Variants in TMEM245 observed in about 807,000 individuals in gnomAD.
The protein encoded by TMEM245 is transmembrane protein 245.
In TMEM245, 69 loss-of-function variants were observed where a neutral mutation model predicts 101.2. The observed-to-expected ratio is 0.68, with a 90% CI of 0.56 to 0.83. The LOEUF (loss-of-function observed/expected upper bound fraction) is 0.83, where lower values mean the gene tolerates loss of function less well. Ranked by LOEUF, TMEM245 falls within the 40% of genes least tolerant of loss-of-function variation. The pLI is 0.00. For synonymous variants in TMEM245, 537 were observed against 449.8 expected, an observed-to-expected ratio of 1.19 and a Z score of -2.45; for missense variants, 1,075 against 1,092.8, an observed-to-expected ratio of 0.98 and a Z score of 0.23.
chr9:109,032,735 C>T (rs2132308847), intron 17 of TMEM245, among the ~76,000 whole-genome samples: 1 of 151,524 alleles, frequency 6.6e-6, no homozygotes, highest in African/African-American at 2.4e-5. Context: ...ATACCATGTC[C>T]CGCATAGAAT....
chr9:109,070,879 CTT>C (rs1829309617), intron 9 of TMEM245, among the ~76,000 whole-genome samples: 1 of 152,152 alleles, frequency 6.6e-6, no homozygotes, highest in East Asian at 1.9e-4. Context: ...ACTCAACTTA[CTT>C]TTTTATTGTT....
intron 12 of TMEM245, among the ~76,000 whole-genome samples, chr9:109,056,476 T>A (rs1018825022): frequency 3.3e-4 from 41 of 125,936 alleles, no homozygotes; most frequent in Admixed American, 2.2e-3. Flanking sequence ...ATTAGCTGGG[T>A]GTGGTGGGGC....
chr9:109,119,227 C>T, intron 1 of TMEM245, 108 bp downstream of exon 1: 1 of 1,051,752 alleles, frequency 9.5e-7, no homozygotes, highest in Non-Finnish European at 1.3e-6. Flanking sequence ...CACTGCAGCA[C>T]AGGTGTGGCC....
At chr9:109,091,256 T>C in intron 4 of TMEM245, 101 bp from the exon 5 acceptor site, 1 of 990,082 alleles carries the variant, frequency 1.0e-6, no homozygotes, top group African/African-American at 1.6e-5. Flanking sequence ...GCCTTCAAAA[T>C]GTGCTGATAT....
At chr9:109,083,926 A>AAAAAAAAAAAAC (rs1470474783) in intron 7 of TMEM245, among the ~76,000 whole-genome samples, 1 of 141,274 alleles carries the variant, frequency 7.1e-6, no homozygotes, top group South Asian at 2.3e-4. Flanking sequence ...AAAAAAAAAA[A>AAAAAAAAAAAAC]AAACACCAGG....
chr9:109,091,985 A>C lies in TMEM245; in HGVS notation c.917-830T>G, dbSNP rs185782713. Among the ~76,000 whole-genome samples the C allele has an allele frequency of 1.8e-4, 27 of 152,346 alleles. 1 individual carries two copies. The highest frequency in any genetic ancestry group is 1.4e-3 in the Admixed American group (22 of 15,308). ...TGTCACGTTGAATGTGTGGATTGTT[A>C]ATTACAAAAGTATCATACGTCAGAA... On this transcript the variant is annotated intron_variant, in intron 4 of 17. Transcript: ENST00000374586.
intron 12 of TMEM245, among the ~76,000 whole-genome samples, chr9:109,052,341 ACTTG>A (rs1291435070): frequency 1.3e-5 from 2 of 152,246 alleles, no homozygotes; most frequent in Non-Finnish European, 2.9e-5. Flanking sequence ...TTTTTAGAAA[ACTTG>A]CCCAAAGGCA....
intron 16 of TMEM245, among the ~76,000 whole-genome samples, chr9:109,034,510 A>C (rs971859174): frequency 1.3e-5 from 2 of 152,216 alleles, no homozygotes; most frequent in Admixed American, 1.3e-4. Context: ...GCAGTGCCGC[A>C]ATCACAGCTT....
chr9:109,050,454 T>C, intron 13 of TMEM245, 26 bp from the exon 14 acceptor site: 3 of 1,612,292 alleles, frequency 1.9e-6, no homozygotes, highest in Non-Finnish European at 2.5e-6. Flanking sequence ...CAACATCTCC[T>C]AAAAAAATCG....
chr9:109,100,054 T>A (rs1261025609), intron 3 of TMEM245, among the ~76,000 whole-genome samples: 1 of 152,202 alleles, frequency 6.6e-6, no homozygotes, highest in African/African-American at 2.4e-5. Flanking sequence ...AAGTCTGTGT[T>A]ACTCTGTCAC....
intron 3 of TMEM245, among the ~76,000 whole-genome samples, chr9:109,099,638 A>G (rs1830232472): frequency 6.6e-6 from 1 of 152,216 alleles, no homozygotes; most frequent in Non-Finnish European, 1.5e-5. Flanking sequence ...GACTGCTTAA[A>G]AAAAACTAAG....
chr9:109,089,765 T>C (rs1829945687), intron 5 of TMEM245, among the ~76,000 whole-genome samples: 1 of 152,194 alleles, frequency 6.6e-6, no homozygotes, highest in Non-Finnish European at 1.5e-5. Context: ...TACCACAGCA[T>C]TAAGATACAA....
rs1230741788 is a variant in TMEM245 at position 109,091,131 on chromosome 9, G to A, written c.941C>T (p.Ala314Val). ...TGAAGGGGAGGTGGACAACGTTGGA[G>A]CGGATTCTCCCCTGTCCACTGCTTC... Reference protein sequence around the residue: ...PAEAVDRGESAPTLSTSPSPS... With the variant: ...PAEAVDRGESVPTLSTSPSPS... Residue 314 changes from alanine to valine, a missense_variant, in exon 5 of 18, where the codon GCT (alanine) becomes GTT (valine). Ala to Val is a moderately conservative substitution (Grantham distance 64). This residue lies in a region of TMEM245 where 808 missense variants were observed against 741.5 expected (regional missense o/e 1.09). Transcript: ENST00000374586. The A allele has an allele frequency of 3.1e-6, 5 of 1,614,070 alleles. No individual in the cohort carries two copies. The highest frequency in any genetic ancestry group is 4.2e-6 in the Non-Finnish European group (5 of 1,180,006).
intron 11 of TMEM245, among the ~76,000 whole-genome samples, chr9:109,060,137 G>A (rs1432115744): frequency 6.6e-6 from 1 of 152,208 alleles, no homozygotes; most frequent in East Asian, 1.9e-4. Flanking sequence ...ACAACAGACT[G>A]AGGATGGAAT....
rs769174821 is a variant in TMEM245 at position 109,090,940 on chromosome 9, G to T, written c.1132C>A (p.Leu378Met). The T allele has an allele frequency of 6.2e-7, 1 of 1,614,130 alleles. No homozygotes were observed. Among genetic ancestry groups the T allele is most frequent in the Admixed American group, 1.7e-5 (1 of 60,028 alleles). The change falls in exon 5 of 18, where the codon CTG becomes ATG. Residue 378 changes from leucine (L) to methionine (M), a missense_variant. Leu to Met is a conservative substitution (Grantham distance 15, BLOSUM62 2). Coordinates refer to ENST00000374586, the MANE Select transcript of TMEM245 (RefSeq NM_032012.4). ...IWLNLWIVQL[L>M]PVPIAVWILK... ...TAACGACCTGCAATCGGCACTGGCA[G>T]CAACTGCACAATCCACAGGTTCAAC...
intron 17 of TMEM245, among the ~76,000 whole-genome samples, chr9:109,025,065 A>C (rs923436365): frequency 3.3e-5 from 5 of 152,170 alleles, no homozygotes; most frequent in Non-Finnish European, 1.5e-5. Flanking sequence ...AGATTCAGGA[A>C]ATTTTCAAGT....
intron 9 of TMEM245, among the ~76,000 whole-genome samples, chr9:109,068,883 G>A (rs922269313): frequency 1.3e-5 from 2 of 152,192 alleles, no homozygotes; most frequent in Non-Finnish European, 2.9e-5. Context: ...AAAGGGTAGA[G>A]GATGGGTGTG....
chr9:109,036,715 A>G (rs1202989853), intron 15 of TMEM245, among the ~76,000 whole-genome samples: 1 of 152,222 alleles, frequency 6.6e-6, no homozygotes, highest in Non-Finnish European at 1.5e-5. Context: ...AACATGTGTC[A>G]AAACTTGTAC....
intron 17 of TMEM245, among the ~76,000 whole-genome samples, chr9:109,027,440 G>C (rs1431666504): frequency 6.6e-6 from 1 of 152,194 alleles, no homozygotes; most frequent in Non-Finnish European, 1.5e-5. Context: ...GGGAGATTAA[G>C]TGGATGTTTA....
Sources: allele counts gnomAD v4.1 joint callset (sites outside exome capture counted in the v4.1 genomes callset), GRCh38; gene constraint gnomAD v4.1.1; regional missense constraint gnomAD v4.1.1; transcripts MANE v1.5; gene names NCBI Gene and HGNC (gene_info 2026-07-23, HGNC 2026-07-21).